Variants in NELL1 observed in about 807,000 individuals in gnomAD.
NELL1 encodes neural EGFL like 1.
A neutral mutation model predicts 107.4 loss-of-function variants in NELL1; 76 were observed. That is an observed-to-expected ratio of 0.71 (90% CI 0.59 to 0.86). NELL1 has a LOEUF of 0.86. NELL1 is among the 40% of genes least tolerant of loss of function. NELL1 has a pLI of 0.00. For missense variants in NELL1, 1,024 were observed against 1,005.5 expected, an observed-to-expected ratio of 1.02 and a Z score of -0.25; for synonymous variants, 353 against 341.2, an observed-to-expected ratio of 1.03 and a Z score of -0.38.
chr11:20,699,646 C>A (rs991298628), intron 2 of NELL1, among the ~76,000 whole-genome samples: 1 of 152,204 alleles, frequency 6.6e-6, no homozygotes, highest in Non-Finnish European at 1.5e-5. Context: ...GCGTGAGCCA[C>A]TGTGCCTGGC....
At chr11:21,350,894 G>A (rs1850795126) in intron 14 of NELL1, among the ~76,000 whole-genome samples, 1 of 152,148 alleles carries the variant, frequency 6.6e-6, no homozygotes, top group South Asian at 2.1e-4. Flanking sequence ...ATATGTCCAA[G>A]TCCTAACCCT....
At chr11:21,149,287 G>C (rs767785296) in intron 13 of NELL1, among the ~76,000 whole-genome samples, 2 of 152,166 alleles carry the variant, frequency 1.3e-5, no homozygotes, top group African/African-American at 2.4e-5. Flanking sequence ...AAGGAATGGT[G>C]TATTAGTCTG....
intron 15 of NELL1, among the ~76,000 whole-genome samples, chr11:21,389,226 A>C (rs899495899): frequency 1.3e-4 from 19 of 151,800 alleles, no homozygotes; most frequent in African/African-American, 3.6e-4. Context: ...GAAAGAGGTA[A>C]CATGTTAATA....
At chr11:21,388,880 A>C (rs1264382027) in intron 15 of NELL1, among the ~76,000 whole-genome samples, 1 of 151,860 alleles carries the variant, frequency 6.6e-6, no homozygotes, top group Non-Finnish European at 1.5e-5. Flanking sequence ...GAAATTTCTG[A>C]ATAGGCATCT....
intron 12 of NELL1, among the ~76,000 whole-genome samples, chr11:21,058,186 T>A (rs1043709113): frequency 2.0e-5 from 3 of 152,046 alleles, no homozygotes; most frequent in African/African-American, 7.2e-5. Flanking sequence ...ATGAAACAAA[T>A]CTGTACAAAT....
intron 14 of NELL1, among the ~76,000 whole-genome samples, chr11:21,358,747 C>T (rs1036499190): frequency 2.3e-4 from 31 of 132,944 alleles, no homozygotes; most frequent in African/African-American, 7.9e-4. Flanking sequence ...GTTGTTGTTG[C>T]AGCTGTTGTA....
At chr11:21,246,943 A>G (rs543078946) in intron 14 of NELL1, among the ~76,000 whole-genome samples, 25 of 152,314 alleles carry the variant, frequency 1.6e-4, no homozygotes, top group Admixed American at 1.5e-3. Context: ...TGATTCAATT[A>G]TCTCCTACTG....
At chr11:21,199,695 C>T (rs560308630) in intron 13 of NELL1, among the ~76,000 whole-genome samples, 4 of 151,946 alleles carry the variant, frequency 2.6e-5, no homozygotes, top group African/African-American at 9.7e-5. Flanking sequence ...ATGTGCAGAA[C>T]GTGCAGGTTT....
chr11:21,214,293 C>T (rs144663261), intron 13 of NELL1, among the ~76,000 whole-genome samples: 10 of 152,162 alleles, frequency 6.6e-5, no homozygotes, highest in East Asian at 3.9e-4. Context: ...TTCAGATTTT[C>T]GATTTCCAGA....
intron 12 of NELL1, among the ~76,000 whole-genome samples, chr11:21,106,420 A>G (rs1854970838): frequency 6.6e-6 from 1 of 152,198 alleles, no homozygotes; most frequent in Non-Finnish European, 1.5e-5. Context: ...AAAATACTAT[A>G]TAAGCACTGT....
chr11:21,311,503 T>C (rs1849748735), intron 14 of NELL1, among the ~76,000 whole-genome samples: 1 of 152,160 alleles, frequency 6.6e-6, no homozygotes, highest in Admixed American at 6.6e-5. Flanking sequence ...TTTATCTCTT[T>C]TTACACAAAT....
At position 21,233,499 on chromosome 11, in the gene NELL1, C is replaced by T. The variant is rs191665349; in HGVS notation, c.1549+4045C>T. On this transcript the variant is annotated intron_variant, in intron 14 of 19. Transcript: ENST00000357134. ...TCACACATTGTATTCTAACTAGAAA[C>T]TAAAGAGAAAATAGAAAGGGAAGAG... Among the ~76,000 whole-genome samples, 441 of 152,030 alleles carry T rather than the reference C, an allele frequency of 2.9e-3. 3 individuals carry two copies. Among genetic ancestry groups the T allele is most frequent in the African/African-American group, 0.01 (419 of 41,474 alleles).
chr11:21,336,882 A>G (rs1850414508), intron 14 of NELL1, among the ~76,000 whole-genome samples: 1 of 152,046 alleles, frequency 6.6e-6, no homozygotes, highest in African/African-American at 2.4e-5. Flanking sequence ...TCCCTTTGAG[A>G]ATCTTATTGA....
At position 21,575,302 on chromosome 11, in the gene NELL1, G is replaced by A. The variant is rs752733213; in HGVS notation, c.*280G>A. 45 of 339,600 alleles carry A rather than the reference G, an allele frequency of 1.3e-4. No homozygotes were observed. Among genetic ancestry groups the A allele is most frequent in the Non-Finnish European group, 2.4e-4 (44 of 183,522 alleles). The allele number at this position is 339,600 out of a possible 1,614,324, so 21.0% of individuals were successfully genotyped here. A position where few individuals can be genotyped will look rare whatever the true frequency, so the allele number is the denominator to read the frequency against. ...GTTGTAAATCATGTTTCCCTTATCAGATCATTTGCAAATACATTTAAATGA... is the reference window on the plus strand; with the variant it reads ...GTTGTAAATCATGTTTCCCTTATCAAATCATTTGCAAATACATTTAAATGA... On this transcript the variant is annotated 3_prime_UTR_variant, in exon 20 of 20. Coordinates refer to ENST00000357134, the MANE Select transcript of NELL1 (RefSeq NM_006157.5).
chr11:20,755,722 A>T (rs1856263146), intron 2 of NELL1, among the ~76,000 whole-genome samples: 1 of 150,626 alleles, frequency 6.6e-6, no homozygotes, highest in Non-Finnish European at 1.5e-5. Context: ...GGCCTGGCTA[A>T]TTTTTCTATT....
At chr11:21,167,810 G>A (rs1276628924) in intron 13 of NELL1, among the ~76,000 whole-genome samples, 1 of 151,584 alleles carries the variant, frequency 6.6e-6, no homozygotes, top group African/African-American at 2.4e-5. Flanking sequence ...TGTTTCACAT[G>A]GCTAGCTCTT....
chr11:20,892,520 T>C (rs1455419353), intron 5 of NELL1, among the ~76,000 whole-genome samples: 1 of 152,228 alleles, frequency 6.6e-6, no homozygotes, highest in African/African-American at 2.4e-5. Flanking sequence ...TGGACGATAG[T>C]ATGGTGATTC....
At chr11:20,742,484 A>C (rs183735029) in intron 2 of NELL1, among the ~76,000 whole-genome samples, 2 of 152,158 alleles carry the variant, frequency 1.3e-5, no homozygotes, top group East Asian at 1.9e-4. Flanking sequence ...ACTGCTAATA[A>C]ACACATATCT....
At chr11:21,524,549 C>T (rs1024843850) in intron 15 of NELL1, among the ~76,000 whole-genome samples, 7 of 151,514 alleles carry the variant, frequency 4.6e-5, no homozygotes, top group African/African-American at 1.2e-4. Flanking sequence ...ACTTGCAGGG[C>T]GGGAAGCCTC....
Sources: gnomAD v4.1 joint callset for allele counts (sites outside exome capture counted in the v4.1 genomes callset) on GRCh38, gnomAD v4.1.1 for gene constraint, MANE v1.5 for transcripts, NCBI Gene and HGNC (gene_info 2026-07-23, HGNC 2026-07-21) for gene names.